Variants in DCC observed in about 807,000 individuals in gnomAD.
The protein encoded by DCC is DCC netrin 1 receptor.
A neutral mutation model predicts 172.5 loss-of-function variants in DCC; 58 were observed. The ratio of observed to expected loss-of-function variants is 0.34; its 90% CI spans 0.27 to 0.42. The LOEUF (loss-of-function observed/expected upper bound fraction) is 0.42, where lower values mean the gene tolerates loss of function less well. Among genes scored for constraint, DCC ranks in the 10% least tolerant of loss-of-function variants. The pLI is 1.00. For synonymous variants in DCC, 709 were observed against 644.5 expected, an observed-to-expected ratio of 1.10 and a Z score of -1.52; for missense variants, 1,740 against 1,791.0, an observed-to-expected ratio of 0.97 and a Z score of 0.51.
At chr18:52,866,744 C>G (rs1213675702) in intron 2 of DCC, among the ~76,000 whole-genome samples, 1 of 152,152 alleles carries the variant, frequency 6.6e-6, no homozygotes, top group Non-Finnish European at 1.5e-5. Flanking sequence ...TATCCGGAGA[C>G]TTTGCTGAAG....
intron 12 of DCC, among the ~76,000 whole-genome samples, chr18:53,271,450 T>C (rs1313754298): frequency 6.6e-6 from 1 of 152,186 alleles, no homozygotes. Flanking sequence ...CCCACAATGC[T>C]GTCTCAAGTT....
At chr18:52,482,112 C>T (rs978714903) in intron 1 of DCC, among the ~76,000 whole-genome samples, 3 of 152,110 alleles carry the variant, frequency 2.0e-5, no homozygotes, top group Admixed American at 6.6e-5. Context: ...CCATATGCAA[C>T]GCTTAATACC....
At chr18:52,714,717 T>TTGCA (rs1234643538) in intron 1 of DCC, among the ~76,000 whole-genome samples, 1 of 152,180 alleles carries the variant, frequency 6.6e-6, no homozygotes, top group Admixed American at 6.5e-5. Context: ...GATTCAATGA[T>TTGCA]TGCATGTTAA....
intron 7 of DCC, among the ~76,000 whole-genome samples, chr18:53,087,977 C>T (rs528873021): frequency 1.1e-3 from 165 of 152,218 alleles, no homozygotes; most frequent in African/African-American, 3.5e-3. Flanking sequence ...TGTTTTGGTA[C>T]CAGTACCATG....
chr18:53,125,744 C>T (rs574331255), intron 7 of DCC, among the ~76,000 whole-genome samples: 62 of 152,222 alleles, frequency 4.1e-4, no homozygotes, highest in South Asian at 2.7e-3. Context: ...TTGGACCACA[C>T]GCAGCTCCGA....
chr18:53,363,972 A>C (rs1431591717), intron 15 of DCC, among the ~76,000 whole-genome samples: 1 of 152,228 alleles, frequency 6.6e-6, no homozygotes, highest in Non-Finnish European at 1.5e-5. Flanking sequence ...TTATAATAAC[A>C]ACAAAATAGA....
At chr18:53,226,914 C>CTG (rs35341474) in intron 12 of DCC, among the ~76,000 whole-genome samples, 2,252 of 101,618 alleles carry the variant, frequency 0.022, 40 homozygotes, top group African/African-American at 0.047. Context: ...AATAGTGTAA[C>CTG]TGTGTGTGTG....
At chr18:53,352,077 C>G (rs1037858938) in intron 15 of DCC, among the ~76,000 whole-genome samples, 3 of 151,962 alleles carry the variant, frequency 2.0e-5, no homozygotes, top group Non-Finnish European at 2.9e-5. Context: ...TCAGAACTTG[C>G]AGATAGAGCA....
intron 5 of DCC, among the ~76,000 whole-genome samples, chr18:53,029,618 T>C (rs2143952701): frequency 6.6e-6 from 1 of 151,796 alleles, no homozygotes; most frequent in South Asian, 2.1e-4. Flanking sequence ...CTATGTGTCT[T>C]TTTTTTATCT....
Position 52,768,322 on chromosome 18 carries a change from T to A in DCC, c.412+15948T>A, listed in dbSNP as rs551318343. ...ATAATGAGTAACCTTTTCACACTTTTTCCCTTGTCTGCTGTGCCTCAGAAA... is the reference window on the plus strand; with the variant it reads ...ATAATGAGTAACCTTTTCACACTTTATCCCTTGTCTGCTGTGCCTCAGAAA... On this transcript the variant is annotated intron_variant, in intron 2 of 28. Transcript: ENST00000442544. 2.0e-5 allele frequency among the ~76,000 whole-genome samples: 3 copies of A among 152,326 alleles called. No homozygotes were observed. In the East Asian group the frequency reaches 5.8e-4, roughly 29 times the overall value.
At position 53,102,186 on chromosome 18, in the gene DCC, T is replaced by C. The variant is rs1298791550; in HGVS notation, c.1261+36020T>C. ...CAGATTTTAATGCCCATATGTGACA[T>C]GCAGGCACAAAAATGTAATCGCTAT... On this transcript the variant is annotated intron_variant, in intron 7 of 28. Coordinates refer to ENST00000442544, the MANE Select transcript of DCC (RefSeq NM_005215.4). 3.3e-5 allele frequency among the ~76,000 whole-genome samples: 5 copies of C among 152,104 alleles called. No individual in the cohort carries two copies. The South Asian group carries it at 6.2e-4, about 19-fold the overall frequency.
intron 1 of DCC, among the ~76,000 whole-genome samples, chr18:52,600,916 T>C (rs2034004713): frequency 6.6e-6 from 1 of 152,138 alleles, no homozygotes; most frequent in African/African-American, 2.4e-5. Flanking sequence ...AGTGAGTAAA[T>C]TGGGATTTAC....
chr18:52,487,810 C>CAAAAAAAAAAA (rs5824940), intron 1 of DCC, among the ~76,000 whole-genome samples: 9 of 74,400 alleles, frequency 1.2e-4, no homozygotes, highest in East Asian at 5.1e-4. Context: ...GACTCCACCT[C>CAAAAAAAAAAA]AAAAAAAAAA....
chr18:53,026,035 G>A (rs2143940055), intron 5 of DCC, among the ~76,000 whole-genome samples: 1 of 152,068 alleles, frequency 6.6e-6, no homozygotes, highest in South Asian at 2.1e-4. Context: ...TCAGCTTGGA[G>A]GATGACTTTT....
intron 1 of DCC, among the ~76,000 whole-genome samples, chr18:52,608,565 T>TGGAA (rs2034186009): frequency 6.6e-6 from 1 of 152,200 alleles, no homozygotes; most frequent in Non-Finnish European, 1.5e-5. Context: ...AAGAGATTAC[T>TGGAA]GGAAGTTAAT....
At position 52,571,302 on chromosome 18, in the gene DCC, G is replaced by A. The variant is rs117999142; in HGVS notation, c.92-180752G>A. ...GACTATGAGGAGGGGTCAGAGAGTAGCCTCTATGGGTGGGGGAATCACCCT... is the reference window on the plus strand; with the variant it reads ...GACTATGAGGAGGGGTCAGAGAGTAACCTCTATGGGTGGGGGAATCACCCT... On this transcript the variant is annotated intron_variant, in intron 1 of 28. Coordinates refer to ENST00000442544, the MANE Select transcript of DCC (RefSeq NM_005215.4). 1.6e-3 allele frequency among the ~76,000 whole-genome samples: 239 copies of A among 151,454 alleles called. 7 individuals are homozygous for A. Among genetic ancestry groups the A allele is most frequent in the East Asian group, 7.5e-3 (39 of 5,170 alleles).
chr18:52,996,809 G>C (rs1219818297), intron 5 of DCC, among the ~76,000 whole-genome samples: 1 of 122,358 alleles, frequency 8.2e-6, no homozygotes, highest in Non-Finnish European at 1.6e-5. Flanking sequence ...TCTGAAGTTA[G>C]AAACACACAC....
chr18:52,540,472 T>C (rs957031510), intron 1 of DCC, among the ~76,000 whole-genome samples: 4 of 152,132 alleles, frequency 2.6e-5, no homozygotes, highest in South Asian at 2.1e-4. Context: ...TTTATTGACA[T>C]TGCTTTGTCT....
chr18:52,421,371 C>T (rs551620086), intron 1 of DCC, among the ~76,000 whole-genome samples: 1 of 152,276 alleles, frequency 6.6e-6, no homozygotes, highest in Admixed American at 6.5e-5. Flanking sequence ...TTCCTAGTAA[C>T]AGCTGCATAT....
Sources: allele counts gnomAD v4.1 joint callset (sites outside exome capture counted in the v4.1 genomes callset), GRCh38; gene constraint gnomAD v4.1.1; transcripts MANE v1.5; gene names NCBI Gene and HGNC (gene_info 2026-07-23, HGNC 2026-07-21).